The following DCT variants were observed in gnomAD, a reference collection of about 807,000 sequenced individuals.
DCT encodes the protein L-dopachrome tautomerase.
In DCT, 47 loss-of-function variants were observed where a neutral mutation model predicts 53.0. That is an observed-to-expected ratio of 0.89 (90% CI 0.70 to 1.13). The LOEUF (loss-of-function observed/expected upper bound fraction) is 1.13, where lower values mean the gene tolerates loss of function less well. Among genes scored for constraint, DCT ranks in the 50% most tolerant of loss-of-function variants. The pLI is 0.00. For synonymous variants in DCT, 244 were observed against 237.0 expected (o/e 1.03, Z -0.27); for missense variants, 669 against 637.4 (o/e 1.05, Z -0.53).
chr13:94,475,136 C>T (rs1192342518), intron 1 of DCT, among the ~76,000 whole-genome samples: 1 of 152,150 alleles, frequency 6.6e-6, no homozygotes, highest in Non-Finnish European at 1.5e-5. Flanking sequence ...GCAACTTACT[C>T]TTTGGGGAAT....
intron 6 of DCT, among the ~76,000 whole-genome samples, chr13:94,450,511 G>A (rs1883007423): frequency 6.6e-6 from 1 of 151,964 alleles, no homozygotes; most frequent in Non-Finnish European, 1.5e-5. Flanking sequence ...TTGTATAATA[G>A]CCTTGTATAC....
the DCT span, among the ~76,000 whole-genome samples, chr13:94,533,892 C>A: frequency 3.1e-3 from 473 of 152,268 alleles, 2 homozygotes; most frequent in African/African-American, 0.011. Flanking sequence ...ACAAATTACA[C>A]AAGCACCTTA....
intron 6 of DCT, among the ~76,000 whole-genome samples, chr13:94,458,376 T>A (rs1883543556): frequency 6.6e-6 from 1 of 152,194 alleles, no homozygotes; most frequent in South Asian, 2.1e-4. Flanking sequence ...AACAGACCAA[T>A]GTATTCAACT....
rs1881970800 is a variant in DCT at position 94,437,451 on chromosome 13, G to C, written c.*2447C>G. 6.6e-6 allele frequency: 1 copy of C among 152,092 alleles called. No individual in the cohort carries two copies. The highest frequency in any genetic ancestry group is 2.4e-5 in the African/African-American group (1 of 41,414). 9.4% of individuals were successfully genotyped at this position (152,092 alleles called of 1,614,324 possible). A position where few individuals can be genotyped will look rare whatever the true frequency, so the allele number is the denominator to read the frequency against. On this transcript the variant is annotated 3_prime_UTR_variant, in exon 8 of 8. Transcript: ENST00000377028. ...ACAAATGTCAATTTTAGAATTAGAA[G>C]GGAATTTAATGCACAAAGGAAAGAT... is the stretch of plus-strand genomic sequence containing the variant.
At chr13:94,514,584 T>C in the DCT span, among the ~76,000 whole-genome samples, 2 of 152,130 alleles carry the variant, frequency 1.3e-5, no homozygotes, top group Non-Finnish European at 2.9e-5. Flanking sequence ...TGCACTTACA[T>C]GCAAAAGCTA....
chr13:94,459,995 C>T, intron 6 of DCT, 96 bp downstream of exon 6: 1 of 1,289,628 alleles, frequency 7.8e-7, no homozygotes, highest in Admixed American at 1.9e-5. Context: ...ATTGTTCACA[C>T]AGAGAATAAA....
chr13:94,515,272 GA>G, the DCT span, among the ~76,000 whole-genome samples: 1 of 152,178 alleles, frequency 6.6e-6, no homozygotes, highest in South Asian at 2.1e-4. Flanking sequence ...GTTCAAGGGG[GA>G]TACAGAAGGC....
chr13:94,547,580 G>C, the DCT span, among the ~76,000 whole-genome samples: 2 of 152,056 alleles, frequency 1.3e-5, no homozygotes, highest in African/African-American at 4.8e-5. Flanking sequence ...CTTGGGCAGA[G>C]TGCTCAGACC....
At chr13:94,455,412 A>AGAGAGAGAGAGAGAGAG (rs1555332120) in intron 6 of DCT, among the ~76,000 whole-genome samples, 1 of 151,340 alleles carries the variant, frequency 6.6e-6, no homozygotes, top group African/African-American at 2.4e-5. Context: ...AGAGAGAGAG[A>AGAGAGAGAGAGAGAGAG]TTCCTACTAT....
chr13:94,487,758 C>G, the DCT span, among the ~76,000 whole-genome samples: 1 of 152,122 alleles, frequency 6.6e-6, no homozygotes. Flanking sequence ...GGTTTTTGAT[C>G]TATTCTTTGC....
At chr13:94,544,107 T>A in the DCT span, among the ~76,000 whole-genome samples, 4 of 152,134 alleles carry the variant, frequency 2.6e-5, no homozygotes, top group Non-Finnish European at 1.5e-5. Flanking sequence ...TACTTTATAC[T>A]TAGAGCTCAT....
At chr13:94,452,437 G>C (rs543268083) in intron 6 of DCT, among the ~76,000 whole-genome samples, 3 of 152,328 alleles carry the variant, frequency 2.0e-5, no homozygotes, top group African/African-American at 7.2e-5. Context: ...CAGGGACAAA[G>C]AGCATAATGA....
At chr13:94,465,968 T>TTATATATATATATATATA (rs3044355) in intron 3 of DCT, among the ~76,000 whole-genome samples, 169 bp from the exon 4 acceptor site, 2 of 77,828 alleles carry the variant, frequency 2.6e-5, no homozygotes, top group Non-Finnish European at 4.4e-5. Flanking sequence ...TGTGTATATT[T>TTATATATATATATATATA]TATATATATA....
chr13:94,501,144 C>T, the DCT span, among the ~76,000 whole-genome samples: 3 of 152,116 alleles, frequency 2.0e-5, no homozygotes, highest in African/African-American at 2.4e-5. Flanking sequence ...TGGCGGGCAC[C>T]TGCAGTCCCA....
At chr13:94,547,982 A>ATATAT in the DCT span, among the ~76,000 whole-genome samples, 19 of 84,828 alleles carry the variant, frequency 2.2e-4, no homozygotes, top group African/African-American at 5.2e-4. Context: ...AAAAAAAAAA[A>ATATAT]AAATATATAT....
intron 6 of DCT, among the ~76,000 whole-genome samples, chr13:94,456,488 T>C (rs1883421986): frequency 6.6e-6 from 1 of 152,248 alleles, no homozygotes; most frequent in Non-Finnish European, 1.5e-5. Flanking sequence ...AGGGCATTAC[T>C]GTCTGCTTTG....
At chr13:94,539,908 T>C in the DCT span, among the ~76,000 whole-genome samples, 6 of 152,134 alleles carry the variant, frequency 3.9e-5, no homozygotes, top group Non-Finnish European at 7.3e-5. Context: ...TGCATAATAA[T>C]GATACTGTTT....
At chr13:94,456,417 G>C (rs936400482) in intron 6 of DCT, among the ~76,000 whole-genome samples, 14 of 151,998 alleles carry the variant, frequency 9.2e-5, no homozygotes, top group African/African-American at 2.9e-4. Flanking sequence ...CCTGGGTTGA[G>C]TAACAATAAT....
intron 2 of DCT, chr13:94,468,050 A>T (rs2139348704): frequency 6.6e-6 from 1 of 152,460 alleles, no homozygotes; most frequent in East Asian, 1.9e-4. Context: ...AATTTTTAAG[A>T]CTTGGAAGGG....
Sources: allele counts gnomAD v4.1 joint callset (sites outside exome capture counted in the v4.1 genomes callset), GRCh38; gene constraint gnomAD v4.1.1; transcripts MANE v1.5; gene names NCBI Gene and HGNC (gene_info 2026-07-23, HGNC 2026-07-21).